SNTG1: variants seen among roughly 807,000 people sequenced by gnomAD.
SNTG1 encodes the protein syntrophin gamma 1.
SNTG1 carries 39 observed loss-of-function variants against 74.7 expected under a neutral mutation model. The observed-to-expected ratio is 0.52, with a 90% CI of 0.40 to 0.68. The LOEUF (loss-of-function observed/expected upper bound fraction) is 0.68. SNTG1 is among the 30% of genes least tolerant of loss of function. The pLI, the probability that SNTG1 is intolerant of heterozygous loss-of-function variation, is 0.00. For synonymous variants in SNTG1, 254 were observed against 217.1 expected (o/e 1.17, Z -1.49); for missense variants, 685 against 609.5 (o/e 1.12, Z -1.30).
chr8:49,914,925 G>T (rs1805886179), intron 1 of SNTG1: 2 of 152,162 alleles, frequency 1.3e-5, no homozygotes, highest in Non-Finnish European at 2.9e-5. Flanking sequence ...TTATAGAATA[G>T]AATTCAAATG....
At chr8:50,721,502 ATTGCTTTCCTGGGT>A (rs1201565063) in intron 17 of SNTG1, among the ~76,000 whole-genome samples, 1 of 152,192 alleles carries the variant, frequency 6.6e-6, no homozygotes, top group Non-Finnish European at 1.5e-5. Flanking sequence ...CTATGAATAA[ATTGCTTTCCTGGGT>A]TTAGTGTCTT....
rs572768683 is a variant in SNTG1 at position 50,420,726 on chromosome 8, C to G, written c.163-17817C>G. On this transcript the variant is annotated intron_variant, in intron 4 of 18. Transcript: ENST00000642720. ...TATATAGAGAAAATATTTGTAACAA[C>G]TAAAAATAGGGGAAGATAGGCCAGG... Among the ~76,000 whole-genome samples the G allele has an allele frequency of 2.6e-5, 4 of 151,906 alleles. No homozygotes were observed. In the East Asian group the frequency reaches 7.8e-4, roughly 29 times the overall value.
intron 5 of SNTG1, among the ~76,000 whole-genome samples, chr8:50,448,794 G>A (rs987129388): frequency 3.9e-5 from 6 of 152,036 alleles, no homozygotes; most frequent in African/African-American, 1.2e-4. Flanking sequence ...CAGCACTTTG[G>A]GATGCCGAGG....
At chr8:50,413,668 A>G (rs778384567) in intron 4 of SNTG1, among the ~76,000 whole-genome samples, 14 of 152,120 alleles carry the variant, frequency 9.2e-5, no homozygotes, top group Non-Finnish European at 1.8e-4. Flanking sequence ...CCTCCTCTCT[A>G]TTATCTGTGT....
chr8:50,502,637 C>T (rs1017228789), intron 8 of SNTG1, 141 bp from the exon 9 acceptor site: 12 of 628,104 alleles, frequency 1.9e-5, no homozygotes, highest in Non-Finnish European at 3.3e-5. Context: ...AAATAATTAG[C>T]TCCCTCTATC....
intron 18 of SNTG1, among the ~76,000 whole-genome samples, chr8:50,769,037 T>G (rs2095620640): frequency 6.6e-6 from 1 of 152,000 alleles, no homozygotes; most frequent in Non-Finnish European, 1.5e-5. Context: ...CTGAGGATTC[T>G]GAATTATTTT....
intron 2 of SNTG1, among the ~76,000 whole-genome samples, chr8:50,392,783 T>C (rs1338399457): frequency 1.3e-5 from 2 of 152,174 alleles, no homozygotes; most frequent in Non-Finnish European, 2.9e-5. Context: ...AGTATAGATA[T>C]AGCACCTGCT....
chr8:50,142,793 C>T (rs2081714842), intron 1 of SNTG1, among the ~76,000 whole-genome samples: 1 of 152,134 alleles, frequency 6.6e-6, no homozygotes, highest in Non-Finnish European at 1.5e-5. Flanking sequence ...AAGTCCATGA[C>T]CAGTGTGGTG....
intron 1 of SNTG1, among the ~76,000 whole-genome samples, chr8:49,932,989 ATT>A (rs3055011): frequency 0.82 from 125,082 of 152,034 alleles, 51,795 homozygotes; most frequent in East Asian, 0.98. Context: ...CCATTGTATG[ATT>A]TTTTTACCAC....
At chr8:50,115,792 G>A (rs945459546) in intron 1 of SNTG1, among the ~76,000 whole-genome samples, 6 of 151,958 alleles carry the variant, frequency 3.9e-5, no homozygotes, top group Non-Finnish European at 8.8e-5. Flanking sequence ...TGCAAGGTAT[G>A]ACGTTTAGCT....
chr8:50,010,355 G>C lies in SNTG1; in HGVS notation c.-103+98124G>C, dbSNP rs114680012. 8.0e-3 allele frequency among the ~76,000 whole-genome samples: 1,214 copies of C among 152,180 alleles called. 22 individuals carry two copies. The highest frequency in any genetic ancestry group is 0.027 in the African/African-American group (1,142 of 41,536). On this transcript the variant is annotated intron_variant, in intron 1 of 18. Coordinates refer to ENST00000642720, the MANE Select transcript of SNTG1 (RefSeq NM_018967.5). ...GAAGCACAGAGAGCTTCAGGAACTT[G>C]CCTATAATTACACAGTTAGGAAGGA... is the stretch of plus-strand genomic sequence containing the variant.
intron 8 of SNTG1, among the ~76,000 whole-genome samples, chr8:50,482,131 C>T (rs1341414018): frequency 2.0e-5 from 3 of 152,196 alleles, no homozygotes; most frequent in Non-Finnish European, 4.4e-5. Context: ...TCTTTCCTCC[C>T]ACTAAGTTGT....
intron 1 of SNTG1, among the ~76,000 whole-genome samples, chr8:50,018,766 A>G (rs1816567830): frequency 6.6e-6 from 1 of 152,090 alleles, no homozygotes; most frequent in Admixed American, 6.6e-5. Flanking sequence ...AGATAAATGC[A>G]AATTAAAGCC....
At chr8:50,154,398 C>T (rs1376013377) in intron 1 of SNTG1, among the ~76,000 whole-genome samples, 1 of 152,102 alleles carries the variant, frequency 6.6e-6, no homozygotes, top group East Asian at 1.9e-4. Context: ...GATGCCTCAC[C>T]CTGCTTCGGC....
chr8:50,374,058 T>C (rs1193301740), intron 2 of SNTG1, among the ~76,000 whole-genome samples: 1 of 152,250 alleles, frequency 6.6e-6, no homozygotes, highest in Non-Finnish European at 1.5e-5. Flanking sequence ...TGTATTAGTG[T>C]TGAAATGCTT....
intron 15 of SNTG1, among the ~76,000 whole-genome samples, chr8:50,669,472 C>T (rs1242383333): frequency 4.6e-5 from 7 of 152,054 alleles, no homozygotes; most frequent in Non-Finnish European, 7.4e-5. Context: ...ACACATACAC[C>T]ATCCCAAGAC....
At chr8:50,689,857 G>C (rs7832197) in intron 15 of SNTG1, among the ~76,000 whole-genome samples, 1 of 152,086 alleles carries the variant, frequency 6.6e-6, no homozygotes. Flanking sequence ...GGTAGAATAC[G>C]GCTGTGAATC....
At chr8:50,622,094 A>G (rs967364573) in intron 13 of SNTG1, among the ~76,000 whole-genome samples, 3 of 152,070 alleles carry the variant, frequency 2.0e-5, no homozygotes, top group Admixed American at 6.6e-5. Context: ...TTTTCCTCAT[A>G]GGTATTGCAT....
Position 50,295,796 on chromosome 8 carries a change from C to T in SNTG1, c.-27-98416C>T, listed in dbSNP as rs1000978100. On this transcript the variant is annotated intron_variant, in intron 2 of 18. Transcript: ENST00000642720. ...TTTGCCAAGATACATATGATGTGTA[C>T]TGAACATATCATGCATAGAAAATAA... 2.6e-5 allele frequency among the ~76,000 whole-genome samples: 4 copies of T among 152,110 alleles called. No homozygotes were observed. In the East Asian group the frequency reaches 7.7e-4, roughly 29 times the overall value.
Sources: allele counts gnomAD v4.1 joint callset (sites outside exome capture counted in the v4.1 genomes callset), GRCh38; gene constraint gnomAD v4.1.1; transcripts MANE v1.5; gene names NCBI Gene and HGNC (gene_info 2026-07-23, HGNC 2026-07-21).